The following PKP3 variants were observed in gnomAD, a reference collection of about 807,000 sequenced individuals.
PKP3 encodes the protein plakophilin-3.
A neutral mutation model predicts 76.5 loss-of-function variants in PKP3; 66 were observed. The ratio of observed to expected loss-of-function variants is 0.86; its 90% CI spans 0.71 to 1.06. The LOEUF (loss-of-function observed/expected upper bound fraction) is 1.06. PKP3 is among the 50% of genes least tolerant of loss of function. The pLI is 0.00. For synonymous variants in PKP3, 638 were observed against 516.5 expected (o/e 1.24, Z -3.19); for missense variants, 1,338 against 1,141.0 (o/e 1.17, Z -2.49).
Position 400,044 on chromosome 11 carries a change from C to T in PKP3, c.1351C>T (p.Leu451=), listed in dbSNP as rs367549089. The T allele has an allele frequency of 2.9e-5, 47 of 1,607,364 alleles. No individual in the cohort carries two copies. In the African/African-American group the frequency reaches 5.3e-4, roughly 18 times the overall value. The change falls in exon 6 of 13, where the codon CTG becomes TTG. Residue 451 remains leucine, a synonymous_variant. Coordinates refer to ENST00000331563, the MANE Select transcript of PKP3 (RefSeq NM_007183.4). The part of the protein sequence containing the change: ...ARDTLEQLTD[L]VLSPLSGAGG... ...AGACACGCTGGAGCAGCTCACAGACCTGGTGTTGAGCCCCCTGTCGGGGGC... is the reference window on the plus strand; with the variant it reads ...AGACACGCTGGAGCAGCTCACAGACTTGGTGTTGAGCCCCCTGTCGGGGGC...
In PKP3 at chr11:394,248, G is replaced by A; in HGVS notation, c.-45G>A. 3 of 1,455,202 alleles carry A rather than the reference G, an allele frequency of 2.1e-6. No homozygotes were observed. Among genetic ancestry groups the A allele is most frequent in the Non-Finnish European group, 2.7e-6 (3 of 1,109,574 alleles). The allele number at this position is 1,455,202 out of a possible 1,614,324, so 90.1% of individuals were successfully genotyped here. On this transcript the variant is annotated 5_prime_UTR_variant, in exon 1 of 13. Transcript: ENST00000331563. The stretch of plus-strand genomic sequence containing the variant: ...GAGGGACAGGACGTGAAGATAGTTG[G>A]GTTTGGAGGCGGCCGCCAGGCCCAG...
At chr11:393,964 C>T (rs1210779463), upstream of PKP3, among the ~76,000 whole-genome samples, 5 of 152,244 alleles carry the variant, frequency 3.3e-5, no homozygotes, top group African/African-American at 1.2e-4. Context: ...CTGGCCTTTA[C>T]AGGCTGAGAA....
Position 404,106 on chromosome 11 carries a change from G to A in PKP3, c.2241G>A (p.Lys747=), listed in dbSNP as rs750557318. The A allele has an allele frequency of 4.4e-5, 71 of 1,611,336 alleles. No individual in the cohort carries two copies. The highest frequency in any genetic ancestry group is 5.9e-5 in the Non-Finnish European group (69 of 1,179,156). The part of the protein sequence containing the change: ...RDLLYFDGLR[K]LIFIKKKRDS... ...TGCTGTATTTTGACGGACTCCGAAA[G>A]CTCATCTTCATCAAGAAGAAGCGGG... The change falls in exon 11 of 13, where the codon AAG becomes AAA. Residue 747 remains lysine (K), a synonymous_variant. Coordinates refer to ENST00000331563, the MANE Select transcript of PKP3 (RefSeq NM_007183.4). The surrounding 1 kb of genome is among the most constrained non-coding windows in gnomAD (Gnocchi z 4.2).
At chr11:394,157 C>A, upstream of PKP3, 1 of 1,309,046 alleles carries the variant, frequency 7.6e-7, no homozygotes, top group Non-Finnish European at 9.8e-7. Flanking sequence ...CAGGGCTGGG[C>A]AGGCGTCTGT....
chr11:399,420 C>T (rs1847112156), intron 5 of PKP3, among the ~76,000 whole-genome samples: 1 of 53,930 alleles, frequency 1.9e-5, no homozygotes, highest in Non-Finnish European at 3.8e-5. Flanking sequence ...CCTCCTCCAC[C>T]TGCCCCCTCT....
chr11:398,094 GTACCCCCGCACACACCTGTGTCACCTCCC>G (rs1847084472), intron 4 of PKP3, among the ~76,000 whole-genome samples: 2 of 54,738 alleles, frequency 3.7e-5, no homozygotes, highest in African/African-American at 8.4e-5. Flanking sequence ...CGTCACCTCC[GTACCCCCGCACACACCTGTGTCACCTCCC>G]TACCCCCACA....
At chr11:399,871 A>T (rs1847120117) in intron 5 of PKP3, 96 bp from the exon 6 acceptor site, 13 of 1,026,122 alleles carry the variant, frequency 1.3e-5, no homozygotes, top group Non-Finnish European at 1.9e-5. Flanking sequence ...ACACCAGGCC[A>T]GCCCCTGGGG....
At position 400,108 on chromosome 11, in the gene PKP3, C is replaced by T. The variant is rs2133601383; in HGVS notation, c.1415C>T (p.Ala472Val). The T allele has an allele frequency of 1.3e-6, 2 of 1,583,774 alleles. No individual in the cohort carries two copies. The highest frequency in any genetic ancestry group is 1.1e-5 in the South Asian group (1 of 87,228). The change falls in exon 6 of 13, where the codon GCA becomes GTA. Residue 472 changes from alanine (A) to valine (V), a missense_variant. Physicochemically the swap from Ala to Val is moderately conservative, Grantham distance 64. Coordinates refer to ENST00000331563, the MANE Select transcript of PKP3 (RefSeq NM_007183.4). ...PPLIQQNASE[A>V]EIFYNATGFL... ...CTCATCCAGCAGAACGCCTCGGAGGCAGAGATCTTCTACAACGCCACCGGC... is the reference window on the plus strand; with the variant it reads ...CTCATCCAGCAGAACGCCTCGGAGGTAGAGATCTTCTACAACGCCACCGGC...
In PKP3 at chr11:394,392, G is replaced by A. The variant is rs1454253571; in HGVS notation, c.100G>A (p.Glu34Lys). 1.4e-5 allele frequency: 21 copies of A among 1,487,928 alleles called. No homozygotes were observed. In the Admixed American group the frequency reaches 2.3e-4, roughly 16 times the overall value. 92.2% of individuals were successfully genotyped at this position (1,487,928 alleles called of 1,614,324 possible). A position where few individuals can be genotyped will look rare whatever the true frequency, so the allele number is the denominator to read the frequency against. ...SDLQLDRRGA[E>K]GPEAERLRAA... Reference sequence around the variant, plus strand: ...CCTGCAGCTGGACCGCCGGGGCGCCGAGGGGCCGGAGGCCGAGCGGCTGCG... The same window carrying A: ...CCTGCAGCTGGACCGCCGGGGCGCCAAGGGGCCGGAGGCCGAGCGGCTGCG... The change falls in exon 1 of 13, where the codon GAG becomes AAG. Residue 34 changes from glutamate (E) to lysine (K), a missense_variant. Physicochemically the swap from Glu to Lys is moderately conservative, Grantham distance 56. Coordinates refer to ENST00000331563, the MANE Select transcript of PKP3 (RefSeq NM_007183.4).
At chr11:399,826 G>T (rs1847119537) in intron 5 of PKP3, 141 bp from the exon 6 acceptor site, 1 of 665,648 alleles carries the variant, frequency 1.5e-6, no homozygotes. Context: ...GCCACCCCAG[G>T]GTCTCCCCAG....
rs778432188 is a variant in PKP3 at position 404,515 on chromosome 11, G to C, written c.2359-19G>C. The C allele has an allele frequency of 1.2e-6, 2 of 1,612,108 alleles. No homozygotes were observed. The highest frequency in any genetic ancestry group is 1.7e-6 in the Non-Finnish European group (2 of 1,179,384). ...ATGGGCAGACATGCACCCTGACCTT[G>C]GGCCTCTCTCCACTGTAGAAGGGCT... On this transcript the variant is annotated intron_variant, in intron 12 of 12. Coordinates refer to ENST00000331563, the MANE Select transcript of PKP3 (RefSeq NM_007183.4). This position sits in a 1 kb window ranked among gnomAD's most constrained non-coding sequence, Gnocchi z 4.2.
chr11:394,263 G>GCCAGGC lies in PKP3; in HGVS notation c.-21_-16dup. 6.8e-7 allele frequency: 1 copy of GCCAGGC among 1,468,538 alleles called. No homozygotes were observed. The highest frequency in any genetic ancestry group is 9.0e-7 in the Non-Finnish European group (1 of 1,116,520). The allele number at this position is 1,468,538 out of a possible 1,614,324, so 91.0% of individuals were successfully genotyped here. ...AAGATAGTTGGGTTTGGAGGCGGCC[G>GCCAGGC]CCAGGCCCAGGCCCGGTGGACCTGC... is the stretch of plus-strand genomic sequence containing the variant. On this transcript the variant is annotated 5_prime_UTR_variant, in exon 1 of 13. Coordinates refer to ENST00000331563, the MANE Select transcript of PKP3 (RefSeq NM_007183.4).
intron 1 of PKP3, among the ~76,000 whole-genome samples, 194 bp downstream of exon 1, chr11:394,718 G>C (rs912080919): frequency 6.6e-6 from 1 of 152,212 alleles, no homozygotes; most frequent in Non-Finnish European, 1.5e-5. Flanking sequence ...CAGGGACCCC[G>C]GGGTCCTCCA....
rs764341809 is a variant in PKP3, at chr11:397,258, C to A, written c.757C>A (p.Arg253=). The A allele has an allele frequency of 1.6e-5, 25 of 1,599,602 alleles. No homozygotes were observed. In the South Asian group the frequency reaches 2.8e-4, roughly 18 times the overall value. ...IRAPAVRTLQ[R]FQSSHRSRGV... ...TGCCCCTGCCGTGCGGACCCTGCAG[C>A]GATTCCAGAGCAGCCACCGGAGCCG... Residue 253 remains arginine (R), a synonymous_variant, in exon 3 of 13, where the codon CGA becomes AGA. Transcript: ENST00000331563.
chr11:397,873 C>T (rs1445748281), intron 4 of PKP3: 17 of 570,940 alleles, frequency 3.0e-5, no homozygotes, highest in Non-Finnish European at 5.0e-5. Context: ...CGTACCCCCA[C>T]ATATACCTCA....
rs34142454 is a variant in PKP3, at chr11:398,758, G to C, written c.1069-234G>C. Among the ~76,000 whole-genome samples the C allele has an allele frequency of 3.0e-3, 95 of 31,710 alleles. 1 individual carries two copies. Among genetic ancestry groups the C allele is most frequent in the African/African-American group, 7.9e-3 (39 of 4,946 alleles). 20.8% of individuals were successfully genotyped at this position (31,710 alleles called of 152,430 possible). ...CCCCGCACACACCTGCGTCACCTCC[G>C]TACCCCCGCACACACCTCCGTCACC... On this transcript the variant is annotated intron_variant, in intron 4 of 12. Coordinates refer to ENST00000331563, the MANE Select transcript of PKP3 (RefSeq NM_007183.4).
chr11:400,125 G>GCCA lies in PKP3; in HGVS notation c.1435_1437dup (p.Thr479dup). On this transcript the variant is annotated inframe_insertion, in exon 6 of 13. Coordinates refer to ENST00000331563, the MANE Select transcript of PKP3 (RefSeq NM_007183.4). The stretch of plus-strand genomic sequence containing the variant: ...CTCGGAGGCAGAGATCTTCTACAAC[G>GCCA]CCACCGGCTTCCTCAGGTGCGCCAG... The GCCA allele has an allele frequency of 6.4e-7, 1 of 1,564,070 alleles. No homozygotes were observed. The highest frequency in any genetic ancestry group is 8.6e-7 in the Non-Finnish European group (1 of 1,158,606).
At position 403,216 on chromosome 11, in the gene PKP3, G is replaced by T; in HGVS notation, c.1876G>T (p.Glu626Ter). Residue 626 changes from glutamate to a stop codon, truncating the protein, a stop_gained, in exon 9 of 13, where the codon GAG (glutamate) becomes TAG (stop). Transcript: ENST00000331563. LOFTEE classifies it high-confidence loss of function. ...CTGCGAGCTCAACCGGCACACGACGGAGGCGGCCGCCGGGGCGCTGCAGAA... is the reference window on the plus strand; with the variant it reads ...CTGCGAGCTCAACCGGCACACGACGTAGGCGGCCGCCGGGGCGCTGCAGAA... ...QRCELNRHTTEAAAGALQNIT... is the reference protein window; with the variant it reads ...QRCELNRHTT The T allele has an allele frequency of 6.3e-7, 1 of 1,590,826 alleles. No individual in the cohort carries two copies. Among genetic ancestry groups the T allele is most frequent in the Non-Finnish European group, 8.5e-7 (1 of 1,171,154 alleles).
intron 1 of PKP3, among the ~76,000 whole-genome samples, chr11:395,343 T>C (rs7395729): frequency 0.79 from 120,781 of 152,216 alleles, 48,996 homozygotes; most frequent in East Asian, 1. Flanking sequence ...TAGAGGGGCC[T>C]TCCCCAGGAC....
Sources: gnomAD v4.1 joint callset for allele counts (sites outside exome capture counted in the v4.1 genomes callset) on GRCh38, gnomAD v4.1.1 for gene constraint, Gnocchi (gnomAD v3.1) non-coding constraint, MANE v1.5 for transcripts, NCBI Gene and HGNC (gene_info 2026-07-23, HGNC 2026-07-21) for gene names.